KCNIP4: variants seen among roughly 807,000 people sequenced by gnomAD.
KCNIP4 encodes the protein potassium voltage-gated channel interacting protein 4.
A neutral mutation model predicts 34.0 loss-of-function variants in KCNIP4; 12 were observed. That is an observed-to-expected ratio of 0.35 (90% CI 0.23 to 0.57). KCNIP4 has a LOEUF of 0.57. Among genes scored for constraint, KCNIP4 ranks in the 20% least tolerant of loss-of-function variants. KCNIP4 has a pLI of 0.83. For synonymous variants in KCNIP4, 124 were observed against 102.2 expected (o/e 1.21, Z -1.29); for missense variants, 238 against 311.7 (o/e 0.76, Z 1.78).
rs1763508835 is a variant in KCNIP4, at chr4:21,291,868, AAAGAAAGAAAGAAAGAAAGAAAG to A, written c.62-409182_62-409160del. 1.8e-3 allele frequency among the ~76,000 whole-genome samples: 35 copies of A among 19,620 alleles called. 3 individuals carry two copies. The highest frequency in any genetic ancestry group is 6.8e-3 in the South Asian group (2 of 296). The allele number at this position is 19,620 out of a possible 152,430, so 12.9% of individuals were successfully genotyped here. ...GACTCCGCCTCAAAAAAAAAAAAAAAAAGAAAGAAAGAAAGAAAGAAAGAAAGAAAGAAAGAAAGAAAGAAAGA... is the reference window on the plus strand; with the variant it reads ...GACTCCGCCTCAAAAAAAAAAAAAAAAAAGAAAGAAAGAAAGAAAGAAAGA... On this transcript the variant is annotated intron_variant, in intron 1 of 8. Transcript: ENST00000382152.
At chr4:21,778,774 T>C (rs1162995222) in intron 1 of KCNIP4, among the ~76,000 whole-genome samples, 2 of 152,164 alleles carry the variant, frequency 1.3e-5, no homozygotes, top group African/African-American at 4.8e-5. Context: ...AGTGAAGTAA[T>C]AATAATAACA....
chr4:21,587,238 G>C (rs1741697057), intron 1 of KCNIP4, among the ~76,000 whole-genome samples: 1 of 152,026 alleles, frequency 6.6e-6, no homozygotes, highest in Non-Finnish European at 1.5e-5. Context: ...TAACTTTGTG[G>C]ATGCCACACA....
At chr4:20,746,729 C>T (rs1434124740) in intron 5 of KCNIP4, among the ~76,000 whole-genome samples, 1 of 152,166 alleles carries the variant, frequency 6.6e-6, no homozygotes, top group African/African-American at 2.4e-5. Flanking sequence ...CCTAGGGTCT[C>T]AGAGCCGCTG....
At chr4:20,990,095 A>G (rs1311809952) in intron 1 of KCNIP4, among the ~76,000 whole-genome samples, 1 of 152,246 alleles carries the variant, frequency 6.6e-6, no homozygotes, top group Non-Finnish European at 1.5e-5. Flanking sequence ...TGATGGGGCA[A>G]GTAACAAAGA....
At chr4:21,030,624 T>C (rs1208850728) in intron 1 of KCNIP4, among the ~76,000 whole-genome samples, 1 of 152,150 alleles carries the variant, frequency 6.6e-6, no homozygotes, top group East Asian at 1.9e-4. Flanking sequence ...ACTGATTGAC[T>C]TCAGAAATGC....
At chr4:21,151,438 GT>G (rs1752754608) in intron 1 of KCNIP4, among the ~76,000 whole-genome samples, 1 of 52,974 alleles carries the variant, frequency 1.9e-5, no homozygotes, top group Non-Finnish European at 3.6e-5. Context: ...TTTTTTTGCT[GT>G]TCTGGAGCCT....
chr4:21,248,058 A>ATGTGTG (rs1442795273), intron 1 of KCNIP4, among the ~76,000 whole-genome samples: 78 of 65,866 alleles, frequency 1.2e-3, no homozygotes, highest in African/African-American at 9.2e-3. Context: ...GCATATATAT[A>ATGTGTG]TATGTGTGTG....
chr4:20,800,354 G>A (rs1278500307), intron 3 of KCNIP4, among the ~76,000 whole-genome samples: 1 of 152,208 alleles, frequency 6.6e-6, no homozygotes. Flanking sequence ...AGACATCAAT[G>A]CAGGAACACA....
intron 1 of KCNIP4, among the ~76,000 whole-genome samples, chr4:21,332,381 A>C (rs1715743730): frequency 6.6e-6 from 1 of 151,832 alleles, no homozygotes; most frequent in Non-Finnish European, 1.5e-5. Flanking sequence ...CCAGATTTAC[A>C]CCTCCAACAG....
chr4:21,274,755 T>C (rs897212441), intron 1 of KCNIP4, among the ~76,000 whole-genome samples: 2 of 151,798 alleles, frequency 1.3e-5, no homozygotes, highest in Non-Finnish European at 2.9e-5. Context: ...TCATCGAGAG[T>C]TTTAAATTTA....
intron 1 of KCNIP4, among the ~76,000 whole-genome samples, chr4:21,711,570 T>C (rs1433053659): frequency 6.6e-6 from 1 of 152,208 alleles, no homozygotes; most frequent in Non-Finnish European, 1.5e-5. Context: ...AACTAAAATG[T>C]GTAAAAATAT....
chr4:21,758,745 A>C (rs1203376882), intron 1 of KCNIP4, among the ~76,000 whole-genome samples: 1 of 55,842 alleles, frequency 1.8e-5, no homozygotes, highest in Non-Finnish European at 6.5e-5. Flanking sequence ...AAAGCCATAT[A>C]TGGGCTGCTT....
intron 1 of KCNIP4, among the ~76,000 whole-genome samples, chr4:21,116,171 T>G (rs1481419400): frequency 2.6e-5 from 4 of 152,206 alleles, no homozygotes; most frequent in Admixed American, 2.6e-4. Flanking sequence ...AAGTAAGATT[T>G]TTAAAATTCC....
At chr4:20,797,535 A>G (rs1389822461) in intron 3 of KCNIP4, among the ~76,000 whole-genome samples, 1 of 152,232 alleles carries the variant, frequency 6.6e-6, no homozygotes, top group Non-Finnish European at 1.5e-5. Flanking sequence ...TATGTACACT[A>G]TACAGTTGAT....
intron 1 of KCNIP4, among the ~76,000 whole-genome samples, chr4:20,994,262 A>C (rs1387248765): frequency 6.6e-6 from 1 of 152,188 alleles, no homozygotes; most frequent in Non-Finnish European, 1.5e-5. Context: ...GTTATTTTTA[A>C]CAGGAAACAC....
At chr4:21,305,886 C>T (rs11722608) in intron 1 of KCNIP4, among the ~76,000 whole-genome samples, 48,934 of 152,062 alleles carry the variant, frequency 0.32, 8,660 homozygotes, top group Middle Eastern at 0.42. Flanking sequence ...TGTGTTTTTA[C>T]GGTACTTTTC....
chr4:21,596,513 A>AAATC (rs1319817422), intron 1 of KCNIP4, among the ~76,000 whole-genome samples: 2 of 152,132 alleles, frequency 1.3e-5, no homozygotes, highest in South Asian at 2.1e-4. Flanking sequence ...AGTCATAGTC[A>AAATC]AATCAAATTG....
chr4:21,390,297 T>G, intron 1 of KCNIP4, among the ~76,000 whole-genome samples: 1 of 152,320 alleles, frequency 6.6e-6, no homozygotes, highest in South Asian at 2.1e-4. Flanking sequence ...GCAGAAGCTC[T>G]TTAGTTTACT....
intron 1 of KCNIP4, among the ~76,000 whole-genome samples, chr4:21,208,806 CA>C (rs1471433030): frequency 2.0e-5 from 3 of 152,168 alleles, no homozygotes; most frequent in Non-Finnish European, 4.4e-5. Context: ...CATAGTTCAG[CA>C]TGGCTCAGGA....
Sources: allele counts gnomAD v4.1 joint callset (sites outside exome capture counted in the v4.1 genomes callset), GRCh38; gene constraint gnomAD v4.1.1; transcripts MANE v1.5; gene names NCBI Gene and HGNC (gene_info 2026-07-23, HGNC 2026-07-21).